HEMK2: variants seen among roughly 807,000 people sequenced by gnomAD.
The protein encoded by HEMK2 is methyltransferase HEMK2.
At chr21:28,856,432 T>G in the HEMK2 span, among the ~76,000 whole-genome samples, 1 of 151,732 alleles carries the variant, frequency 6.6e-6, no homozygotes, top group Non-Finnish European at 1.5e-5. Context: ...AAAAAAAGAA[T>G]AATAATAATT....
the HEMK2 span, among the ~76,000 whole-genome samples, chr21:28,749,089 C>T: frequency 3.3e-5 from 5 of 152,146 alleles, no homozygotes; most frequent in South Asian, 2.1e-4. Context: ...TACGAGTTTG[C>T]TCTACCTCCT....
chr21:28,855,309 TA>T, the HEMK2 span, among the ~76,000 whole-genome samples: 1 of 152,302 alleles, frequency 6.6e-6, no homozygotes, highest in East Asian at 1.9e-4. Flanking sequence ...CAAGAAGAGC[TA>T]ACTGTCCTAA....
chr21:28,610,126 C>T, the HEMK2 span, among the ~76,000 whole-genome samples: 3 of 152,020 alleles, frequency 2.0e-5, no homozygotes, highest in South Asian at 2.1e-4. Flanking sequence ...ATAGTCACGA[C>T]AAAGGAAAGA....
the HEMK2 span, among the ~76,000 whole-genome samples, chr21:28,779,481 TGTTGATCAAAGGGTATAAAGC>T: frequency 1.3e-5 from 2 of 151,974 alleles, no homozygotes; most frequent in African/African-American, 4.8e-5. Context: ...GTTGGAGAGG[TGTTGATCAAAGGGTATAAAGC>T]TTCAGTTAGG....
chr21:28,723,853 G>A, the HEMK2 span, among the ~76,000 whole-genome samples: 3 of 152,192 alleles, frequency 2.0e-5, no homozygotes, highest in African/African-American at 7.2e-5. Context: ...TACGCAGCCA[G>A]CACTGCCTTG....
chr21:28,788,657 G>A, the HEMK2 span, among the ~76,000 whole-genome samples: 6 of 147,814 alleles, frequency 4.1e-5, no homozygotes, highest in Non-Finnish European at 5.9e-5. Context: ...AATACCACCT[G>A]TACCCCAATA....
chr21:28,595,590 A>T, the HEMK2 span, among the ~76,000 whole-genome samples: 1 of 152,202 alleles, frequency 6.6e-6, no homozygotes, highest in Non-Finnish European at 1.5e-5. Context: ...TGATGAACAC[A>T]GGTTGCTTCC....
the HEMK2 span, among the ~76,000 whole-genome samples, chr21:28,596,389 T>A: frequency 6.6e-6 from 1 of 152,148 alleles, no homozygotes; most frequent in African/African-American, 2.4e-5. Context: ...TCTCATAAAT[T>A]TTCTGATCTT....
the HEMK2 span, chr21:28,878,293 C>T: frequency 1.2e-6 from 2 of 1,613,048 alleles, no homozygotes; most frequent in African/African-American, 2.7e-5. Flanking sequence ...CCGACCATTT[C>T]TGCCACCAGC....
the HEMK2 span, chr21:28,876,153 T>C: frequency 2.0e-4 from 65 of 320,884 alleles, no homozygotes; most frequent in Non-Finnish European, 3.5e-4. Context: ...CTGAAATAAA[T>C]ATTTCATACA....
At chr21:28,714,689 G>A in the HEMK2 span, among the ~76,000 whole-genome samples, 1 of 152,108 alleles carries the variant, frequency 6.6e-6, no homozygotes, top group Non-Finnish European at 1.5e-5. Context: ...ACATGTGCAG[G>A]TTTGTCACGA....
chr21:28,762,135 T>C, the HEMK2 span, among the ~76,000 whole-genome samples: 1 of 152,108 alleles, frequency 6.6e-6, no homozygotes, highest in African/African-American at 2.4e-5. Flanking sequence ...CCTGCAGAAA[T>C]TCACACAAGA....
At chr21:28,747,587 AC>A in the HEMK2 span, among the ~76,000 whole-genome samples, 1 of 152,190 alleles carries the variant, frequency 6.6e-6, no homozygotes, top group Non-Finnish European at 1.5e-5. Context: ...CTACCCCACT[AC>A]CTGTTTAAAA....
chr21:28,580,551 GA>G, the HEMK2 span, among the ~76,000 whole-genome samples: 1 of 126,606 alleles, frequency 7.9e-6, no homozygotes, highest in Non-Finnish European at 1.7e-5. Flanking sequence ...GCTAAAATGA[GA>G]AAAGTTTAAT....
the HEMK2 span, among the ~76,000 whole-genome samples, chr21:28,779,421 T>G: frequency 6.6e-6 from 1 of 152,102 alleles, no homozygotes; most frequent in African/African-American, 2.4e-5. Flanking sequence ...AAAGTCAAAT[T>G]GTTAGAAATA....
At chr21:28,877,224 A>AAGGGT in the HEMK2 span, among the ~76,000 whole-genome samples, 1 of 131,110 alleles carries the variant, frequency 7.6e-6, no homozygotes, top group Non-Finnish European at 1.7e-5. Context: ...AAAGGAAGGG[A>AAGGGT]AGGAAGGAAA....
the HEMK2 span, among the ~76,000 whole-genome samples, chr21:28,707,553 A>C: frequency 2.6e-5 from 4 of 152,140 alleles, 1 homozygote; most frequent in Middle Eastern, 3.4e-3. Flanking sequence ...ACCACACTCG[A>C]TGTAAATATT....
At chr21:28,815,468 C>G in the HEMK2 span, among the ~76,000 whole-genome samples, 1 of 152,058 alleles carries the variant, frequency 6.6e-6, no homozygotes, top group Admixed American at 6.6e-5. Flanking sequence ...TCCTACTAAA[C>G]AGCTGCCAGG....
the HEMK2 span, among the ~76,000 whole-genome samples, chr21:28,855,235 T>C: frequency 1.3e-5 from 2 of 152,200 alleles, no homozygotes; most frequent in South Asian, 4.1e-4. Context: ...AAACAGTCTT[T>C]AAACCAACAA....
Sources: allele counts gnomAD v4.1 joint callset (sites outside exome capture counted in the v4.1 genomes callset), GRCh38; gene constraint gnomAD v4.1.1; transcripts MANE v1.5; gene names NCBI Gene and HGNC (gene_info 2026-07-23, HGNC 2026-07-21).